The following BCL2L14 variants were observed in gnomAD, a reference collection of about 807,000 sequenced individuals.
The protein encoded by BCL2L14 is BCL2 like 14.
Under a neutral mutation model 35.3 loss-of-function variants are expected in BCL2L14, and 27 were observed. That is an observed-to-expected ratio of 0.76 (90% confidence interval 0.56 to 1.05). The LOEUF (loss-of-function observed/expected upper bound fraction) is 1.05. Among genes scored for constraint, BCL2L14 ranks in the 50% least tolerant of loss-of-function variants. The pLI, the probability that BCL2L14 is intolerant of heterozygous loss-of-function variation, is 0.00. For synonymous variants in BCL2L14, 139 were observed against 145.9 expected (o/e 0.95, Z 0.34); for missense variants, 377 against 382.6 (o/e 0.99, Z 0.12).
upstream of BCL2L14, among the ~76,000 whole-genome samples, chr12:12,069,054 G>A (rs1297896873): frequency 1.3e-5 from 2 of 152,204 alleles, no homozygotes; most frequent in Non-Finnish European, 2.9e-5. Context: ...AGGAGCGAGT[G>A]TCTTTTAGCA....
At position 12,094,915 on chromosome 12, in the gene BCL2L14, G is replaced by A. The variant is rs372228342; in HGVS notation, c.930G>A (p.Gln310=). The change falls in exon 5 of 6, where the codon CAG becomes CAA. Residue 310 remains glutamine (Q), a synonymous_variant. Transcript: ENST00000308721. The stretch of plus-strand genomic sequence containing the variant: ...AAGAGAACTTCTCGCCATGGATCCA[G>A]CAGCACGGTGGATGGGTAAGCGTAT... ...YLKENFSPWI[Q]QHGGWEKILG... 3 of 1,613,472 alleles carry A rather than the reference G, an allele frequency of 1.9e-6. No individual in the cohort carries two copies. In the African/African-American group the frequency reaches 4.0e-5, roughly 22 times the overall value.
At chr12:12,089,653 G>A (rs910582991) in intron 3 of BCL2L14, among the ~76,000 whole-genome samples, 7 of 150,714 alleles carry the variant, frequency 4.6e-5, no homozygotes, top group South Asian at 2.1e-4. Context: ...AGCCAAGATC[G>A]TGCCACTGCA....
rs189374585 is a variant in BCL2L14 at position 12,053,304 on chromosome 12, A to G, written c.-272+1457A>G. 2.5e-3 allele frequency among the ~76,000 whole-genome samples: 377 copies of G among 152,342 alleles called. 1 individual carries two copies. Among genetic ancestry groups the G allele is most frequent in the African/African-American group, 8.2e-3 (340 of 41,578 alleles). ...AATAGCAGAGCTGGGATTTGAAGGC[A>G]AGTAGTCTCACTCCCTGCTTTTCTT... is the stretch of plus-strand genomic sequence containing the variant. On this transcript the variant is annotated intron_variant, in intron 2 of 3. Transcript: ENST00000461264.
intron 2 of BCL2L14, among the ~76,000 whole-genome samples, chr12:12,058,469 C>G (rs1948467209): frequency 6.6e-6 from 1 of 152,120 alleles, no homozygotes; most frequent in African/African-American, 2.4e-5. Flanking sequence ...CCAGGCTGTT[C>G]TGTAACATTC....
intron 1 of BCL2L14, among the ~76,000 whole-genome samples, chr12:12,075,570 C>A (rs1948764492): frequency 6.6e-6 from 1 of 152,070 alleles, no homozygotes; most frequent in Non-Finnish European, 1.5e-5. Context: ...GGATTGCAGG[C>A]ATGTGCCACC....
chr12:12,060,549 C>G (rs1294224688), intron 2 of BCL2L14, among the ~76,000 whole-genome samples: 6 of 88,826 alleles, frequency 6.8e-5, no homozygotes, highest in African/African-American at 2.1e-4. Context: ...AGTTGCAATT[C>G]CTTGCCTTCA....
At chr12:12,077,748 C>T (rs1331620229) in intron 1 of BCL2L14, 2 of 202,224 alleles carry the variant, frequency 9.9e-6, no homozygotes, top group East Asian at 2.3e-4. Context: ...CCACAGGTCA[C>T]AAAACTAGTC....
rs953564117 is a variant in BCL2L14 at position 12,051,848 on chromosome 12, G to C, written c.-272+1G>C. ...GGTGATGGACACTAAAACAAAGACC[G>C]TAAGTACTGTAATAGCTACACACAA... On this transcript the variant is annotated splice_donor_variant, in intron 2 of 3. Coordinates refer to the BCL2L14 transcript ENST00000461264. LOFTEE classifies it low-confidence loss of function (5UTR_SPLICE). 2 of 152,172 alleles carry C rather than the reference G, an allele frequency of 1.3e-5. No individual in the cohort carries two copies. Among genetic ancestry groups the C allele is most frequent in the African/African-American group, 4.8e-5 (2 of 41,434 alleles). 9.4% of individuals were successfully genotyped at this position (152,172 alleles called of 1,614,324 possible).
rs1202727474 is a variant in BCL2L14 at position 12,079,320 on chromosome 12, T to A, written c.15T>A (p.Ser5Arg). The A allele has an allele frequency of 6.2e-7, 1 of 1,613,752 alleles. No individual in the cohort carries two copies. Among genetic ancestry groups the A allele is most frequent in the South Asian group, 1.1e-5 (1 of 90,962 alleles). ...ACAGGCCCAACATGTGTAGCACCAG[T>A]GGGTGTGACCTGGAAGAAATCCCCC... MCST[S>R]GCDLEEIPLD... Residue 5 changes from serine to arginine, a missense_variant, in exon 2 of 6, where the codon AGT (serine) becomes AGA (arginine). Ser to Arg is a moderately radical substitution (Grantham distance 110). Transcript: ENST00000308721.
chr12:12,054,418 T>A (rs1212335712), intron 2 of BCL2L14, among the ~76,000 whole-genome samples: 3 of 145,826 alleles, frequency 2.1e-5, no homozygotes, highest in Non-Finnish European at 4.6e-5. Context: ...GCAGGAGAAT[T>A]GCTTGAACCC....
chr12:12,080,177 C>G (rs1207377253), intron 2 of BCL2L14, among the ~76,000 whole-genome samples: 1 of 150,774 alleles, frequency 6.6e-6, no homozygotes, highest in African/African-American at 2.4e-5. Context: ...TGCACTCCAG[C>G]TTGGGTGACA....
At chr12:12,067,666 C>T (rs1168492980), upstream of BCL2L14, among the ~76,000 whole-genome samples, 1 of 152,212 alleles carries the variant, frequency 6.6e-6, no homozygotes, top group Non-Finnish European at 1.5e-5. Flanking sequence ...TTTTTAGCAG[C>T]ATTTCCCACT....
chr12:12,072,876 GTTT>G (rs11331613), intron 1 of BCL2L14, among the ~76,000 whole-genome samples: 1 of 148,738 alleles, frequency 6.7e-6, no homozygotes, highest in Non-Finnish European at 1.5e-5. Flanking sequence ...GTGTGGGTGG[GTTT>G]TTTTTTTTCT....
chr12:12,061,598 A>T (rs538332585), intron 2 of BCL2L14, among the ~76,000 whole-genome samples: 4 of 151,898 alleles, frequency 2.6e-5, no homozygotes, highest in African/African-American at 9.7e-5. Context: ...TATCCTCAAT[A>T]CGTCCCTCCA....
At chr12:12,092,517 C>T (rs1461051940) in intron 4 of BCL2L14, among the ~76,000 whole-genome samples, 3 of 152,218 alleles carry the variant, frequency 2.0e-5, no homozygotes, top group South Asian at 2.1e-4. Context: ...ACACACAGCC[C>T]GAAGGCCCAT....
At chr12:12,051,613 C>T (rs1298512306) in intron 1 of BCL2L14, among the ~76,000 whole-genome samples, 1 of 152,160 alleles carries the variant, frequency 6.6e-6, no homozygotes. Context: ...GTAGCTGAAT[C>T]GAATCTTTCC....
intron 2 of BCL2L14, among the ~76,000 whole-genome samples, chr12:12,081,025 A>C (rs1160310654): frequency 6.6e-6 from 1 of 152,026 alleles, no homozygotes; most frequent in Admixed American, 6.6e-5. Context: ...CTCTACCAAA[A>C]AATACAAAAA....
At chr12:12,057,303 T>C (rs533473315) in intron 2 of BCL2L14, among the ~76,000 whole-genome samples, 1 of 152,342 alleles carries the variant, frequency 6.6e-6, no homozygotes, top group East Asian at 1.9e-4. Context: ...TAAAATAGCA[T>C]AATCAAAAGC....
upstream of BCL2L14, among the ~76,000 whole-genome samples, chr12:12,066,848 C>T (rs1159939244): frequency 6.6e-6 from 1 of 151,598 alleles, no homozygotes; most frequent in Non-Finnish European, 1.5e-5. Context: ...GTAGCTGGGA[C>T]TACAGGCGCC....
Sources: allele counts gnomAD v4.1 joint callset (sites outside exome capture counted in the v4.1 genomes callset), GRCh38; gene constraint gnomAD v4.1.1; transcripts MANE v1.5; gene names NCBI Gene and HGNC (gene_info 2026-07-23, HGNC 2026-07-21).